TAS2R1: variants seen among roughly 807,000 people sequenced by gnomAD.
TAS2R1 encodes the protein taste receptor type 2 member 1.
For synonymous variants in TAS2R1, 141 were observed against 134.2 expected (o/e 1.05, Z -0.35); for missense variants, 370 against 353.4 (o/e 1.05, Z -0.38).
At position 9,630,244 on chromosome 5, in the gene TAS2R1, C is replaced by T; in HGVS notation, c.-212G>A. On this transcript the variant is annotated 5_prime_UTR_variant, in exon 1 of 1. It removes an upstream start codon present in the reference 5' UTR. Transcript: ENST00000382492. ...GTCAAATAAGGAGGAGATACTCTAG[C>T]ATCAATTTGCTTCTTATTGATGGCT... The T allele has an allele frequency of 2.6e-6, 1 of 386,452 alleles. No individual in the cohort carries two copies. The highest frequency in any genetic ancestry group is 4.2e-5 in the Admixed American group (1 of 23,886). 23.9% of individuals were successfully genotyped at this position (386,452 alleles called of 1,614,324 possible). A position where few individuals can be genotyped will look rare whatever the true frequency, so the allele number is the denominator to read the frequency against.
chr5:9,890,045 A>ACTT, the TAS2R1 span: 1 of 152,078 alleles, frequency 6.6e-6, no homozygotes, highest in African/African-American at 2.4e-5. Flanking sequence ...ACTGGGTTTA[A>ACTT]GGAGTAATGA....
At chr5:9,751,429 C>T in the TAS2R1 span, among the ~76,000 whole-genome samples, 1 of 152,156 alleles carries the variant, frequency 6.6e-6, no homozygotes, top group African/African-American at 2.4e-5. Context: ...CTAAAACTTT[C>T]CCAGTATAGA....
At chr5:9,700,352 C>G (rs781598999) in intron 1 of TAS2R1, among the ~76,000 whole-genome samples, 2 of 152,064 alleles carry the variant, frequency 1.3e-5, no homozygotes, top group Admixed American at 1.3e-4. Flanking sequence ...ACAAGTAATA[C>G]GAATTGTGAT....
At chr5:9,847,754 T>G in the TAS2R1 span, among the ~76,000 whole-genome samples, 12 of 152,156 alleles carry the variant, frequency 7.9e-5, no homozygotes, top group African/African-American at 2.9e-4. Flanking sequence ...AAGGTTCCAT[T>G]AGCCAAGGGC....
chr5:9,830,207 G>GGATGGATAGACA, the TAS2R1 span, among the ~76,000 whole-genome samples: 3 of 151,708 alleles, frequency 2.0e-5, no homozygotes, highest in South Asian at 4.2e-4. Flanking sequence ...ATGGATGGAT[G>GGATGGATAGACA]GATAGACAGA....
chr5:9,719,990 T>G, the TAS2R1 span, among the ~76,000 whole-genome samples: 1 of 151,524 alleles, frequency 6.6e-6, no homozygotes, highest in African/African-American at 2.4e-5. Flanking sequence ...CTTGCCTTCA[T>G]GACCACTCCT....
At chr5:9,779,559 A>T in the TAS2R1 span, among the ~76,000 whole-genome samples, 8 of 152,290 alleles carry the variant, frequency 5.3e-5, no homozygotes, top group South Asian at 1.5e-3. Flanking sequence ...GCAAGAGGAG[A>T]GGAAGAGAGA....
chr5:9,859,300 A>G, the TAS2R1 span, among the ~76,000 whole-genome samples: 1 of 152,254 alleles, frequency 6.6e-6, no homozygotes, highest in Non-Finnish European at 1.5e-5. Context: ...AAGCAAAGGT[A>G]TAAAATGATT....
chr5:9,778,835 T>C, the TAS2R1 span, among the ~76,000 whole-genome samples: 1 of 152,250 alleles, frequency 6.6e-6, no homozygotes, highest in African/African-American at 2.4e-5. Context: ...GCTAAAACTT[T>C]CTCCATGTCA....
the TAS2R1 span, among the ~76,000 whole-genome samples, chr5:9,866,069 C>G: frequency 6.6e-6 from 1 of 152,164 alleles, no homozygotes; most frequent in Admixed American, 6.5e-5. Context: ...ACTTACTCTT[C>G]TATACATTGA....
the TAS2R1 span, among the ~76,000 whole-genome samples, chr5:9,812,977 G>T: frequency 1.3e-5 from 2 of 152,212 alleles, no homozygotes; most frequent in African/African-American, 4.8e-5. Context: ...ACTGTTGTGA[G>T]TTGAACTGTG....
chr5:9,877,576 T>C, the TAS2R1 span, among the ~76,000 whole-genome samples: 1 of 152,246 alleles, frequency 6.6e-6, no homozygotes, highest in Non-Finnish European at 1.5e-5. Flanking sequence ...CAATCTGTCA[T>C]CAATTGTAGT....
intron 2 of TAS2R1, among the ~76,000 whole-genome samples, chr5:9,640,439 G>T (rs1047775430): frequency 4.6e-5 from 6 of 130,934 alleles, no homozygotes; most frequent in Non-Finnish European, 9.4e-5. Flanking sequence ...ACAAGCTGTT[G>T]GAAAAATGAC....
chr5:9,818,650 A>G, the TAS2R1 span, among the ~76,000 whole-genome samples: 2 of 152,194 alleles, frequency 1.3e-5, no homozygotes, highest in East Asian at 3.9e-4. Context: ...AAAAAGAACA[A>G]GTAAAGCGTT....
chr5:9,736,113 G>A, the TAS2R1 span, among the ~76,000 whole-genome samples: 106 of 152,252 alleles, frequency 7.0e-4, no homozygotes, highest in Non-Finnish European at 3.8e-4. Context: ...AGCTTTGTAC[G>A]GAAAGTCATA....
At chr5:9,657,672 G>A (rs1740441342) in intron 2 of TAS2R1, among the ~76,000 whole-genome samples, 1 of 152,192 alleles carries the variant, frequency 6.6e-6, no homozygotes, top group Admixed American at 6.5e-5. Flanking sequence ...ATTATTTCAG[G>A]AACATGAAGT....
chr5:9,790,190 G>A, the TAS2R1 span, among the ~76,000 whole-genome samples: 31 of 152,160 alleles, frequency 2.0e-4, no homozygotes, highest in Non-Finnish European at 3.5e-4. Flanking sequence ...TTAAGCCTTC[G>A]ATGGTCACTT....
At chr5:9,821,397 A>C in the TAS2R1 span, among the ~76,000 whole-genome samples, 3 of 152,232 alleles carry the variant, frequency 2.0e-5, no homozygotes, top group Non-Finnish European at 4.4e-5. Context: ...CACAACCTCA[A>C]ATCTGGAAAG....
At chr5:9,743,570 C>T in the TAS2R1 span, among the ~76,000 whole-genome samples, 1 of 152,164 alleles carries the variant, frequency 6.6e-6, no homozygotes, top group Non-Finnish European at 1.5e-5. Context: ...CACTTCGCGC[C>T]TCTTTGCCAA....
Sources: gnomAD v4.1 joint callset for allele counts (sites outside exome capture counted in the v4.1 genomes callset) on GRCh38, gnomAD v4.1.1 for gene constraint, MANE v1.5 for transcripts, NCBI Gene and HGNC (gene_info 2026-07-23, HGNC 2026-07-21) for gene names.